MLIP: variants seen among roughly 807,000 people sequenced by gnomAD.
The protein encoded by MLIP is muscular LMNA interacting protein, also known as muscular LMNA-interacting protein.
Under a neutral mutation model 84.8 loss-of-function variants are expected in MLIP, and 79 were observed. The ratio of observed to expected loss-of-function variants is 0.93; its 90% CI spans 0.78 to 1.12. The LOEUF (loss-of-function observed/expected upper bound fraction) is 1.12, where lower values mean the gene tolerates loss of function less well. Among genes scored for constraint, MLIP ranks in the 50% most tolerant of loss-of-function variants. The pLI is 0.00. For missense variants in MLIP, 1,257 were observed against 1,160.6 expected, an observed-to-expected ratio of 1.08 and a Z score of -1.21; for synonymous variants, 504 against 463.0, an observed-to-expected ratio of 1.09 and a Z score of -1.14.
chr6:54,174,963 A>G (rs927747299), intron 9 of MLIP, among the ~76,000 whole-genome samples: 4 of 151,932 alleles, frequency 2.6e-5, no homozygotes, highest in Non-Finnish European at 4.4e-5. Context: ...ATTCTTTTGC[A>G]TATGGACACC....
chr6:54,143,300 C>T (rs1365293260), intron 4 of MLIP, among the ~76,000 whole-genome samples: 1 of 151,516 alleles, frequency 6.6e-6, no homozygotes, highest in Non-Finnish European at 1.5e-5. Context: ...TCACTGCAAC[C>T]TCTGCCTCCC....
At chr6:54,198,912 T>TTGTG (rs1562048045) in intron 10 of MLIP, among the ~76,000 whole-genome samples, 4 of 149,350 alleles carry the variant, frequency 2.7e-5, no homozygotes, top group Non-Finnish European at 6.0e-5. Flanking sequence ...GTGTGTGTGT[T>TTGTG]TGTGTGTGTG....
intron 13 of MLIP, chr6:54,261,880 C>A: frequency 6.4e-6 from 2 of 314,240 alleles, no homozygotes; most frequent in East Asian, 1.7e-4. Context: ...TCTTGGATTG[C>A]TGAGAGTTGA....
Position 54,138,237 on chromosome 6 carries a change from C to T in MLIP, c.2168C>T (p.Ser723Leu). 6.5e-7 allele frequency: 1 copy of T among 1,536,072 alleles called. No homozygotes were observed. The highest frequency in any genetic ancestry group is 8.7e-7 in the Non-Finnish European group (1 of 1,146,854). ...ISLTRTEELI[S>L]PCALSMSTGP... is the part of the protein sequence containing the mutation. ...CTAACAAGGACAGAGGAGCTGATTT[C>T]ACCTTGTGCATTGTCCATGTCAACA... is the stretch of plus-strand genomic sequence containing the variant. The change falls in exon 4 of 14, where the codon TCA becomes TTA. Residue 723 changes from serine (S) to leucine (L), a missense_variant. Physicochemically the swap from Ser to Leu is moderately radical, Grantham distance 145. Coordinates refer to ENST00000502396, the MANE Select transcript of MLIP (RefSeq NM_001281747.2).
chr6:54,254,219 C>T (rs560758986), intron 12 of MLIP, among the ~76,000 whole-genome samples: 36 of 151,228 alleles, frequency 2.4e-4, no homozygotes, highest in Middle Eastern at 3.4e-3. Flanking sequence ...CTCCACCTCC[C>T]GGGTTCAAGC....
intron 9 of MLIP, among the ~76,000 whole-genome samples, chr6:54,182,497 G>A (rs1398257216): frequency 6.6e-6 from 1 of 152,126 alleles, no homozygotes; most frequent in African/African-American, 2.4e-5. Flanking sequence ...CACCTAATTT[G>A]CTTCTTGAGA....
At chr6:54,251,031 A>G (rs1006754984) in intron 12 of MLIP, among the ~76,000 whole-genome samples, 1 of 152,010 alleles carries the variant, frequency 6.6e-6, no homozygotes, top group Non-Finnish European at 1.5e-5. Flanking sequence ...ACTGATTGTT[A>G]TATCCTTAAC....
intron 11 of MLIP, among the ~76,000 whole-genome samples, chr6:54,227,556 G>A (rs1780663275): frequency 6.6e-6 from 1 of 152,134 alleles, no homozygotes; most frequent in African/African-American, 2.4e-5. Flanking sequence ...TCAGATTATT[G>A]AGGACAAAAA....
At position 54,236,527 on chromosome 6, in the gene MLIP, C is replaced by G. The variant is rs377557955; in HGVS notation, c.2922+5610C>G. Among the ~76,000 whole-genome samples the G allele has an allele frequency of 2.1e-3, 312 of 152,130 alleles. 2 individuals are homozygous for G. Among genetic ancestry groups the G allele is most frequent in the African/African-American group, 7.2e-3 (298 of 41,498 alleles). ...TGAGGCAGGAGAATTGCTTGAACCC[C>G]GGAGGCGGAGGTTGCAGTGAGCCGA... On this transcript the variant is annotated intron_variant, in intron 12 of 13. Coordinates refer to ENST00000502396, the MANE Select transcript of MLIP (RefSeq NM_001281747.2).
intron 4 of MLIP, among the ~76,000 whole-genome samples, chr6:54,142,894 G>A (rs952587432): frequency 7.3e-5 from 11 of 151,424 alleles, no homozygotes; most frequent in South Asian, 2.1e-4. Context: ...GAGCCACTAC[G>A]TGAAATGAAA....
chr6:54,021,138 TTAATACCAATG>T (rs2150259840), intron 1 of MLIP, among the ~76,000 whole-genome samples: 1 of 152,354 alleles, frequency 6.6e-6, no homozygotes, highest in South Asian at 2.1e-4. Flanking sequence ...ATGTTTCATG[TTAATACCAATG>T]TAACACAGTA....
chr6:54,149,041 G>T lies in MLIP; in HGVS notation c.2218-15G>T, dbSNP rs1442977873. The T allele has an allele frequency of 6.2e-7, 1 of 1,608,948 alleles. No individual in the cohort carries two copies. The highest frequency in any genetic ancestry group is 1.3e-5 in the African/African-American group (1 of 74,704). ...ATTTTCATCTCTACTCTTGCTTTCT[G>T]GTTGCCCATTCTAGCAATACAAGAC... On this transcript the variant is annotated splice_polypyrimidine_tract_variant and intron_variant, in intron 4 of 13. Coordinates refer to ENST00000502396, the MANE Select transcript of MLIP (RefSeq NM_001281747.2).
chr6:54,183,975 AAACAATAAG>A (rs1306417062), intron 9 of MLIP, among the ~76,000 whole-genome samples: 1 of 152,112 alleles, frequency 6.6e-6, no homozygotes, highest in Non-Finnish European at 1.5e-5. Context: ...CCTTATGTAC[AAACAATAAG>A]AACACTCTCC....
intron 3 of MLIP, among the ~76,000 whole-genome samples, chr6:54,127,528 A>G (rs769317915): frequency 6.6e-6 from 1 of 152,152 alleles, no homozygotes. Flanking sequence ...TTATTCTGAT[A>G]GCTTTTTTTC....
intron 12 of MLIP, among the ~76,000 whole-genome samples, chr6:54,256,094 A>C (rs1005949786): frequency 2.6e-5 from 4 of 152,146 alleles, no homozygotes; most frequent in Non-Finnish European, 1.5e-5. Flanking sequence ...GCTTCTATTT[A>C]AAGCAATGGT....
chr6:54,258,679 T>C (rs1243196716), intron 13 of MLIP, among the ~76,000 whole-genome samples: 1 of 152,076 alleles, frequency 6.6e-6, no homozygotes, highest in African/African-American at 2.4e-5. Context: ...GAGGTTACTA[T>C]ACATTAGAAA....
In MLIP at chr6:54,213,734, A is replaced by ACAAAAAAC. The variant is rs1554185765; in HGVS notation, c.2718+11501_2718+11502insCAAAAAAC. 2.8e-4 allele frequency among the ~76,000 whole-genome samples: 23 copies of ACAAAAAAC among 82,366 alleles called. 3 individuals carry two copies. Among genetic ancestry groups the ACAAAAAAC allele is most frequent in the Non-Finnish European group, 5.0e-4 (21 of 42,150 alleles). 54.0% of individuals were successfully genotyped at this position (82,366 alleles called of 152,430 possible). A position where few individuals can be genotyped will look rare whatever the true frequency, so the allele number is the denominator to read the frequency against. On this transcript the variant is annotated intron_variant, in intron 11 of 13. Transcript: ENST00000502396. ...AAAAAAAAAAAAAAAAAAAAAAAAA[A>ACAAAAAAC]AACAACAAACAGCATATCTTGTATG...
intron 11 of MLIP, among the ~76,000 whole-genome samples, chr6:54,212,540 T>G (rs553221994): frequency 6.6e-5 from 10 of 152,340 alleles, no homozygotes; most frequent in African/African-American, 2.2e-4. Context: ...GGTGTATGTG[T>G]GCCTGTGTGT....
At chr6:54,061,033 A>G (rs998132171) in intron 1 of MLIP, among the ~76,000 whole-genome samples, 2 of 150,572 alleles carry the variant, frequency 1.3e-5, no homozygotes, top group Non-Finnish European at 3.0e-5. Context: ...TGTGTTTCAC[A>G]TATCTAGTCA....
Sources: allele counts gnomAD v4.1 joint callset (sites outside exome capture counted in the v4.1 genomes callset), GRCh38; gene constraint gnomAD v4.1.1; transcripts MANE v1.5; gene names NCBI Gene and HGNC (gene_info 2026-07-23, HGNC 2026-07-21).